The following DIAPH2 variants were observed in gnomAD, a reference collection of about 807,000 sequenced individuals.
DIAPH2 encodes the protein protein diaphanous homolog 2.
A neutral mutation model predicts 92.7 loss-of-function variants in DIAPH2; 35 were observed. That is an observed-to-expected ratio of 0.38 (90% CI 0.29 to 0.50). DIAPH2 has a LOEUF of 0.50. Among genes scored for constraint, DIAPH2 ranks in the 20% least tolerant of loss-of-function variants. The pLI, the probability that DIAPH2 is intolerant of heterozygous loss-of-function variation, is 0.94. For synonymous variants in DIAPH2, 301 were observed against 280.4 expected (o/e 1.07, Z -0.73); for missense variants, 701 against 819.5 (o/e 0.86, Z 1.77).
intron 23 of DIAPH2, among the ~76,000 whole-genome samples, chrX:97,250,093 G>A (rs775455080): frequency 1.3e-4 from 14 of 110,217 alleles, no homozygotes; most frequent in Admixed American, 7.7e-4. Flanking sequence ...GCGAAACTCC[G>A]TCTCAAAAAA....
chrX:97,284,979 A>G (rs911292997), intron 23 of DIAPH2, among the ~76,000 whole-genome samples: 3 of 111,770 alleles, frequency 2.7e-5, no homozygotes, highest in Middle Eastern at 4.7e-3. Context: ...AGAGACATAA[A>G]TTAAAGATAT....
intron 22 of DIAPH2, among the ~76,000 whole-genome samples, chrX:97,191,485 A>G (rs1450920169): frequency 9.0e-6 from 1 of 111,662 alleles, no homozygotes; most frequent in Non-Finnish European, 1.9e-5. Context: ...AGCATTTTGT[A>G]TCTTCCCTGG....
At chrX:97,136,577 A>C (rs1045711164) in intron 21 of DIAPH2, among the ~76,000 whole-genome samples, 1 of 111,924 alleles carries the variant, frequency 8.9e-6, no homozygotes, top group Non-Finnish European at 1.9e-5. Flanking sequence ...AGGCTAAATC[A>C]TATAGGATAA....
intron 17 of DIAPH2, among the ~76,000 whole-genome samples, chrX:97,057,247 G>A (rs767416083): frequency 5.4e-5 from 6 of 111,594 alleles, no homozygotes; most frequent in Admixed American, 1.9e-4. Context: ...GATTATATAC[G>A]TTTCTTAAGG....
chrX:97,268,463 G>C (rs750064799), intron 23 of DIAPH2, among the ~76,000 whole-genome samples: 75 of 112,456 alleles, frequency 6.7e-4, no homozygotes, highest in African/African-American at 2.3e-3. Flanking sequence ...GTGATATATT[G>C]GTTATGATGC....
At chrX:97,158,422 A>G (rs756305112) in intron 22 of DIAPH2, among the ~76,000 whole-genome samples, 7 of 110,938 alleles carry the variant, frequency 6.3e-5, no homozygotes, top group Admixed American at 3.9e-4. Context: ...CATTTCTATC[A>G]CTCCTCGGCA....
intron 23 of DIAPH2, among the ~76,000 whole-genome samples, chrX:97,336,052 C>A (rs1393729434): frequency 9.1e-6 from 1 of 109,867 alleles, no homozygotes; most frequent in Non-Finnish European, 1.9e-5. Context: ...AATATCCTTC[C>A]AAGCCTTCCC....
At chrX:96,764,457 A>G (rs2064289309) in intron 4 of DIAPH2, among the ~76,000 whole-genome samples, 1 of 111,687 alleles carries the variant, frequency 9.0e-6, no homozygotes, top group Non-Finnish European at 1.9e-5. Flanking sequence ...TATTGGAAAG[A>G]GTAAAAAATC....
At chrX:97,409,761 G>A (rs984833800) in intron 25 of DIAPH2, among the ~76,000 whole-genome samples, 1 of 112,492 alleles carries the variant, frequency 8.9e-6, no homozygotes, top group African/African-American at 3.2e-5. Flanking sequence ...ACGGAGCCTT[G>A]CTTACTGCTA....
intron 5 of DIAPH2, among the ~76,000 whole-genome samples, chrX:96,909,386 G>T (rs2065455195): frequency 9.0e-6 from 1 of 110,665 alleles, no homozygotes; most frequent in South Asian, 4.0e-4. Flanking sequence ...GGAGGCTGGG[G>T]GAGGGGGGTG....
At chrX:97,401,842 A>T (rs761827629) in intron 25 of DIAPH2, among the ~76,000 whole-genome samples, 1 of 112,853 alleles carries the variant, frequency 8.9e-6, no homozygotes, top group South Asian at 3.7e-4. Flanking sequence ...GCTAAACAGT[A>T]GAGCCAGGAG....
chrX:97,294,189 A>C (rs781050772), intron 23 of DIAPH2, among the ~76,000 whole-genome samples: 5 of 112,030 alleles, frequency 4.5e-5, no homozygotes, highest in African/African-American at 1.6e-4. Flanking sequence ...CTTAAGTAAT[A>C]GACAGCCCCT....
chrX:96,839,680 TTC>T (rs2064923223), intron 4 of DIAPH2, among the ~76,000 whole-genome samples: 1 of 112,149 alleles, frequency 8.9e-6, no homozygotes, highest in Non-Finnish European at 1.9e-5. Flanking sequence ...TTTTTCCCCT[TTC>T]TGTCAGATGT....
chrX:96,719,207 C>T (rs1018321808), intron 1 of DIAPH2, among the ~76,000 whole-genome samples: 1 of 112,000 alleles, frequency 8.9e-6, no homozygotes, highest in Non-Finnish European at 1.9e-5. Flanking sequence ...GGGTAGTTTG[C>T]AAATATTTTC....
At chrX:97,451,341 G>A (rs1029052022) in intron 26 of DIAPH2, among the ~76,000 whole-genome samples, 24 of 110,992 alleles carry the variant, frequency 2.2e-4, no homozygotes, top group Admixed American at 7.7e-4. Flanking sequence ...ATTACCTGCC[G>A]CATCTCCAAC....
intron 23 of DIAPH2, among the ~76,000 whole-genome samples, chrX:97,319,366 A>G (rs937559024): frequency 4.5e-5 from 5 of 111,062 alleles, no homozygotes; most frequent in African/African-American, 9.8e-5. Flanking sequence ...TCAGAACGTT[A>G]AAGTACTTCT....
At chrX:97,484,339 T>C (rs1161401322) in intron 26 of DIAPH2, among the ~76,000 whole-genome samples, 1 of 112,176 alleles carries the variant, frequency 8.9e-6, no homozygotes, top group Non-Finnish European at 1.9e-5. Flanking sequence ...AAACTTAGTT[T>C]CTTCATCCAT....
intron 26 of DIAPH2, among the ~76,000 whole-genome samples, chrX:97,579,299 T>C (rs1442775900): frequency 2.3e-4 from 25 of 110,336 alleles, no homozygotes; most frequent in Admixed American, 1.2e-3. Context: ...GTTTTTATGG[T>C]TTTAGGTCTA....
chrX:97,590,786 G>T (rs1229947510), intron 26 of DIAPH2, among the ~76,000 whole-genome samples: 1 of 111,412 alleles, frequency 9.0e-6, no homozygotes, highest in Admixed American at 9.5e-5. Context: ...GGATATCTAG[G>T]CTTCAACAAT....
Sources: allele counts gnomAD v4.1 joint callset (sites outside exome capture counted in the v4.1 genomes callset), GRCh38; gene constraint gnomAD v4.1.1; transcripts MANE v1.5; gene names NCBI Gene and HGNC (gene_info 2026-07-23, HGNC 2026-07-21).